The following TNFSF11 variants were observed in gnomAD, a reference collection of about 807,000 sequenced individuals.
TNFSF11 encodes the protein tumor necrosis factor ligand superfamily member 11.
TNFSF11 carries 12 observed loss-of-function variants against 32.2 expected under a neutral mutation model. That is an observed-to-expected ratio of 0.37 (90% CI 0.24 to 0.60). The LOEUF (loss-of-function observed/expected upper bound fraction) is 0.60. Among genes scored for constraint, TNFSF11 ranks in the 20% least tolerant of loss-of-function variants. The pLI is 0.66. For missense variants in TNFSF11, 345 were observed against 398.0 expected (o/e 0.87, Z 1.13); for synonymous variants, 172 against 152.1 (o/e 1.13, Z -0.96).
At chr13:42,587,708 A>C (rs1194077659) in intron 2 of TNFSF11, among the ~76,000 whole-genome samples, 1 of 152,230 alleles carries the variant, frequency 6.6e-6, no homozygotes, top group Non-Finnish European at 1.5e-5. Context: ...TGTAGATTAA[A>C]AAGAGCATTA....
chr13:42,599,653 C>G (rs1023106302), intron 2 of TNFSF11, among the ~76,000 whole-genome samples: 1 of 152,158 alleles, frequency 6.6e-6, no homozygotes. Context: ...CAACCTCCCC[C>G]GCAACCTCCC....
intron 2 of TNFSF11, among the ~76,000 whole-genome samples, chr13:42,582,400 G>T: frequency 6.6e-6 from 1 of 152,124 alleles, no homozygotes; most frequent in Non-Finnish European, 1.5e-5. Flanking sequence ...TGATAGTTGA[G>T]ATTTGCTGTA....
At chr13:42,602,306 G>A (rs899526118) in intron 4 of TNFSF11, among the ~76,000 whole-genome samples, 1 of 152,144 alleles carries the variant, frequency 6.6e-6, no homozygotes, top group Non-Finnish European at 1.5e-5. Flanking sequence ...GTGGAAGAAC[G>A]GCCATAGTAA....
At chr13:42,602,140 G>T (rs988306375) in intron 4 of TNFSF11, among the ~76,000 whole-genome samples, 3 of 152,110 alleles carry the variant, frequency 2.0e-5, no homozygotes, top group African/African-American at 7.2e-5. Context: ...TGACTGCCTG[G>T]GTTTGAGGCT....
intron 1 of TNFSF11, among the ~76,000 whole-genome samples, chr13:42,564,822 T>C (rs1872811241): frequency 6.6e-6 from 1 of 152,200 alleles, no homozygotes; most frequent in African/African-American, 2.4e-5. Flanking sequence ...GTGCAACTCT[T>C]GTTTCAAATA....
intron 2 of TNFSF11, among the ~76,000 whole-genome samples, 178 bp from the exon 3 acceptor site, chr13:42,600,574 T>TG (rs1441408202): frequency 1.3e-5 from 2 of 152,178 alleles, no homozygotes; most frequent in Admixed American, 6.5e-5. Context: ...CCAATTCTTT[T>TG]GGGGGAACTT....
At chr13:42,563,679 AG>A (rs1440623706) in intron 1 of TNFSF11, among the ~76,000 whole-genome samples, 4 of 144,486 alleles carry the variant, frequency 2.8e-5, no homozygotes, top group Non-Finnish European at 4.6e-5. Flanking sequence ...AAAAAAAAAA[AG>A]GAAGAAAGAA....
At chr13:42,600,331 A>G (rs1256455683) in intron 2 of TNFSF11, among the ~76,000 whole-genome samples, 1 of 152,242 alleles carries the variant, frequency 6.6e-6, no homozygotes, top group Non-Finnish European at 1.5e-5. Flanking sequence ...GTATTATAAC[A>G]GAAATTCACT....
intron 2 of TNFSF11, among the ~76,000 whole-genome samples, chr13:42,599,934 T>TG (rs1869076189): frequency 1.3e-5 from 2 of 152,174 alleles, no homozygotes; most frequent in African/African-American, 2.4e-5. Flanking sequence ...CACCCTGTGA[T>TG]GGGGTGCTGT....
At chr13:42,594,784 C>T (rs554238983) in intron 2 of TNFSF11, among the ~76,000 whole-genome samples, 17 of 152,296 alleles carry the variant, frequency 1.1e-4, no homozygotes, top group African/African-American at 4.1e-4. Flanking sequence ...AAAGTCTGCA[C>T]AGCCAGGCTC....
intron 2 of TNFSF11, among the ~76,000 whole-genome samples, chr13:42,590,811 C>A (rs1336542984): frequency 6.6e-6 from 1 of 152,178 alleles, no homozygotes; most frequent in Non-Finnish European, 1.5e-5. Flanking sequence ...CAGAAGCTTT[C>A]TCATTTAAAC....
At chr13:42,576,327 T>C (rs1873313128) in intron 1 of TNFSF11, among the ~76,000 whole-genome samples, 1 of 151,858 alleles carries the variant, frequency 6.6e-6, no homozygotes. Context: ...CTTGTTAGAG[T>C]TGTTCAGCTT....
chr13:42,572,698 C>G (rs1247906163), upstream of TNFSF11, among the ~76,000 whole-genome samples: 1 of 152,146 alleles, frequency 6.6e-6, no homozygotes, highest in Non-Finnish European at 1.5e-5. Context: ...TTGAACAGAT[C>G]ATTTTCTTTG....
In TNFSF11 at chr13:42,574,236, T is replaced by G. The variant is rs999102066; in HGVS notation, c.-68T>G. On this transcript the variant is annotated 5_prime_UTR_variant, in exon 1 of 5. Transcript: ENST00000398795. ...GAGGCTCCGCCGCAGCCTCCGGAGT[T>G]GGCCGCAGACAAGAAGGGGAGGGAG... 4 of 1,528,716 alleles carry G rather than the reference T, an allele frequency of 2.6e-6. No individual in the cohort carries two copies. In the African/African-American group the frequency reaches 5.5e-5, roughly 21 times the overall value. 94.7% of individuals were successfully genotyped at this position (1,528,716 alleles called of 1,614,324 possible).
intron 2 of TNFSF11, among the ~76,000 whole-genome samples, chr13:42,583,522 GA>G (rs1169460093): frequency 1.3e-5 from 2 of 150,212 alleles, no homozygotes; most frequent in Non-Finnish European, 3.0e-5. Context: ...CGGGTTAAAG[GA>G]AAAAAATATA....
intron 2 of TNFSF11, among the ~76,000 whole-genome samples, chr13:42,585,453 T>C (rs2137876712): frequency 6.6e-6 from 1 of 152,332 alleles, no homozygotes; most frequent in East Asian, 1.9e-4. Flanking sequence ...CCCATTTTTG[T>C]TTGTGGCTGG....
chr13:42,565,761 G>C (rs138030370), intron 1 of TNFSF11, among the ~76,000 whole-genome samples: 1 of 152,130 alleles, frequency 6.6e-6, no homozygotes, highest in Non-Finnish European at 1.5e-5. Context: ...TTTCAAGAGG[G>C]GAAGTTATAC....
At chr13:42,581,350 A>C in intron 2 of TNFSF11, 57 bp downstream of exon 2, 1 of 1,595,946 alleles carries the variant, frequency 6.3e-7, no homozygotes, top group Admixed American at 1.7e-5. Flanking sequence ...ACCAATACTG[A>C]AAATTAAAAC....
At chr13:42,595,967 G>C (rs1041697384) in intron 2 of TNFSF11, among the ~76,000 whole-genome samples, 2 of 152,224 alleles carry the variant, frequency 1.3e-5, no homozygotes, top group Non-Finnish European at 2.9e-5. Flanking sequence ...TAATGTGGAT[G>C]AAAAGAAATG....
Sources: allele counts gnomAD v4.1 joint callset (sites outside exome capture counted in the v4.1 genomes callset), GRCh38; gene constraint gnomAD v4.1.1; transcripts MANE v1.5; gene names NCBI Gene and HGNC (gene_info 2026-07-23, HGNC 2026-07-21).